Variants in LMBRD1 observed in about 807,000 individuals in gnomAD.
LMBRD1 encodes lysosomal cobalamin transport escort protein LMBD1.
In LMBRD1, 64 loss-of-function variants were observed where a neutral mutation model predicts 74.8. That is an observed-to-expected ratio of 0.86 (90% CI 0.70 to 1.05). The LOEUF (loss-of-function observed/expected upper bound fraction) is 1.05, where lower values mean the gene tolerates loss of function less well. LMBRD1 is among the 50% of genes least tolerant of loss of function. The pLI is 0.00. For missense variants in LMBRD1, 652 were observed against 645.9 expected, an observed-to-expected ratio of 1.01 and a Z score of -0.10; for synonymous variants, 204 against 216.3, an observed-to-expected ratio of 0.94 and a Z score of 0.50.
rs550709476 is a variant in LMBRD1, at chr6:69,737,860, C to G, written c.636+82G>C. On this transcript the variant is annotated intron_variant, in intron 7 of 15. Coordinates refer to ENST00000649934, the MANE Select transcript of LMBRD1 (RefSeq NM_018368.4). ...AGAATCAAAATATTATAAAGGAAAACAGAATAAAGTTTAATAAATTACTAA... is the reference window on the plus strand; with the variant it reads ...AGAATCAAAATATTATAAAGGAAAAGAGAATAAAGTTTAATAAATTACTAA... The G allele has an allele frequency of 4.0e-5, 37 of 913,792 alleles. No homozygotes were observed. In the African/African-American group the frequency reaches 5.7e-4, roughly 14 times the overall value. 56.6% of individuals were successfully genotyped at this position (913,792 alleles called of 1,614,324 possible). A position where few individuals can be genotyped will look rare whatever the true frequency, so the allele number is the denominator to read the frequency against.
chr6:69,684,357 A>G (rs1672806994), intron 14 of LMBRD1, among the ~76,000 whole-genome samples: 1 of 152,082 alleles, frequency 6.6e-6, no homozygotes, highest in African/African-American at 2.4e-5. Flanking sequence ...TATTCAATAA[A>G]TAATAAAAAA....
intron 14 of LMBRD1, among the ~76,000 whole-genome samples, chr6:69,693,193 G>A (rs2445962): frequency 0.52 from 79,256 of 151,838 alleles, 21,278 homozygotes; most frequent in Non-Finnish European, 0.58. Flanking sequence ...TAATATTGTC[G>A]TTTTAAGAGA....
At chr6:69,775,290 T>C (rs1765675903) in intron 3 of LMBRD1, among the ~76,000 whole-genome samples, 1 of 151,904 alleles carries the variant, frequency 6.6e-6, no homozygotes, top group Admixed American at 6.6e-5. Flanking sequence ...AGCTGGGGAG[T>C]GCTCACAAGG....
At position 69,674,641 on chromosome 6, in the gene LMBRD1, T is replaced by C. The variant is rs1765510707; in HGVS notation, c.*1517A>G. ...GTTCAGAGCTTAAGAACAAGTAGTA[T>C]AGATAGAAGCCAAGGGTATGTGAGA... On this transcript the variant is annotated 3_prime_UTR_variant, in exon 16 of 16. Coordinates refer to ENST00000649934, the MANE Select transcript of LMBRD1 (RefSeq NM_018368.4). Among the ~76,000 whole-genome samples the C allele has an allele frequency of 1.3e-5, 2 of 152,194 alleles. No homozygotes were observed. The highest frequency in any genetic ancestry group is 4.1e-4 in the South Asian group (2 of 4,828).
At chr6:69,764,871 T>C (rs1765446619) in intron 3 of LMBRD1, among the ~76,000 whole-genome samples, 3 of 152,014 alleles carry the variant, frequency 2.0e-5, no homozygotes. Flanking sequence ...TGGTGCCATA[T>C]CTAAGAACTC....
chr6:69,752,770 C>T (rs1399087450), intron 3 of LMBRD1, among the ~76,000 whole-genome samples: 2 of 152,060 alleles, frequency 1.3e-5, no homozygotes, highest in Admixed American at 6.6e-5. Context: ...TTTGCTATTC[C>T]AGCAAGTTAA....
chr6:69,690,308 G>A (rs1765849814), intron 14 of LMBRD1, among the ~76,000 whole-genome samples: 1 of 151,996 alleles, frequency 6.6e-6, no homozygotes, highest in Non-Finnish European at 1.5e-5. Flanking sequence ...TGTCACTCAA[G>A]ATCTCCACTT....
intron 7 of LMBRD1, among the ~76,000 whole-genome samples, chr6:69,729,659 G>A (rs983948039): frequency 2.0e-5 from 3 of 151,886 alleles, no homozygotes; most frequent in Non-Finnish European, 2.9e-5. Flanking sequence ...TTTCTAAATA[G>A]CTTAATTTAA....
At chr6:69,706,093 A>T in intron 9 of LMBRD1, 1 of 661,532 alleles carries the variant, frequency 1.5e-6, no homozygotes, top group East Asian at 3.2e-5. Context: ...GTCAGCCTGT[A>T]GTTCACAACC....
chr6:69,705,685 T>G, intron 9 of LMBRD1: 1 of 913,596 alleles, frequency 1.1e-6, no homozygotes, highest in East Asian at 2.4e-5. Context: ...TCTTCATCAG[T>G]AGCAAGTTTT....
At chr6:69,676,374 A>G in intron 15 of LMBRD1, 76 bp downstream of exon 15, 1 of 1,571,930 alleles carries the variant, frequency 6.4e-7, no homozygotes, top group Non-Finnish European at 8.7e-7. Context: ...ATGGCCTAGT[A>G]AGATAAAAAG....
Position 69,700,802 on chromosome 6 carries a change from C to A in LMBRD1, c.1151G>T (p.Gly384Val). The change falls in exon 12 of 16, where the codon GGA becomes GTA. Residue 384 changes from glycine to valine, a missense_variant. Transcript: ENST00000649934. Reference protein sequence around the residue: ...IMYFIFTSMAGIRNIGIWFFW... With the variant: ...IMYFIFTSMAVIRNIGIWFFW... Reference sequence around the variant, plus strand: ...GAACCATATGCCAATATTTCGAATTCCTGCCATTGAAGTAAAAATAAAGTA... The same window carrying A: ...GAACCATATGCCAATATTTCGAATTACTGCCATTGAAGTAAAAATAAAGTA... The A allele has an allele frequency of 6.6e-7, 1 of 1,518,056 alleles. No individual in the cohort carries two copies. The highest frequency in any genetic ancestry group is 1.2e-5 in the South Asian group (1 of 82,684). The allele number at this position is 1,518,056 out of a possible 1,614,324, so 94.0% of individuals were successfully genotyped here.
At chr6:69,764,928 CTT>C (rs149970766) in intron 3 of LMBRD1, among the ~76,000 whole-genome samples, 50 of 142,990 alleles carry the variant, frequency 3.5e-4, no homozygotes, top group Admixed American at 4.2e-4. Flanking sequence ...AATTTCTTTT[CTT>C]TTTTTTTTTT....
chr6:69,702,278 A>AACACACAGAC (rs1408642551), intron 9 of LMBRD1, among the ~76,000 whole-genome samples: 1 of 130,022 alleles, frequency 7.7e-6, no homozygotes, highest in African/African-American at 2.7e-5. Context: ...CATTATGACT[A>AACACACAGAC]ACACACAGAC....
At chr6:69,724,313 C>G (rs1206985164) in intron 7 of LMBRD1, among the ~76,000 whole-genome samples, 1 of 133,634 alleles carries the variant, frequency 7.5e-6, no homozygotes, top group African/African-American at 2.7e-5. Flanking sequence ...TAGTTTCATT[C>G]TATAAGACCC....
chr6:69,734,560 T>C (rs1766933738), intron 7 of LMBRD1, among the ~76,000 whole-genome samples: 1 of 152,094 alleles, frequency 6.6e-6, no homozygotes, highest in African/African-American at 2.4e-5. Flanking sequence ...TAAGCCCGGC[T>C]AATTTTTGTA....
intron 14 of LMBRD1, among the ~76,000 whole-genome samples, chr6:69,685,080 G>A (rs1282282459): frequency 1.3e-5 from 2 of 151,964 alleles, no homozygotes; most frequent in South Asian, 2.1e-4. Context: ...GAGAGAATAA[G>A]GTAACGTTAT....
rs551676250 is a variant in LMBRD1, at chr6:69,687,646, G to A, written c.1417+9917C>T. Among the ~76,000 whole-genome samples the A allele has an allele frequency of 9.9e-5, 15 of 152,172 alleles. No individual in the cohort carries two copies. In the South Asian group the frequency reaches 2.9e-3, roughly 29 times the overall value. On this transcript the variant is annotated intron_variant, in intron 14 of 15. Coordinates refer to ENST00000649934, the MANE Select transcript of LMBRD1 (RefSeq NM_018368.4). ...CTAAAGAAGATATGTCAATATATTCGAAAGGTGACTGAAATGCAACACAGT... is the reference window on the plus strand; with the variant it reads ...CTAAAGAAGATATGTCAATATATTCAAAAGGTGACTGAAATGCAACACAGT...
intron 3 of LMBRD1, among the ~76,000 whole-genome samples, chr6:69,759,030 G>A (rs1765322207): frequency 6.6e-6 from 1 of 152,044 alleles, no homozygotes; most frequent in African/African-American, 2.4e-5. Flanking sequence ...CCTTCTAATG[G>A]AAGGGAACCA....
Sources: gnomAD v4.1 joint callset for allele counts (sites outside exome capture counted in the v4.1 genomes callset) on GRCh38, gnomAD v4.1.1 for gene constraint, MANE v1.5 for transcripts, NCBI Gene and HGNC (gene_info 2026-07-23, HGNC 2026-07-21) for gene names.